The following RASA3 variants were observed in gnomAD, a reference collection of about 807,000 sequenced individuals.
RASA3 encodes ras GTPase-activating protein 3.
Under a neutral mutation model 110.0 loss-of-function variants are expected in RASA3, and 73 were observed. The observed-to-expected ratio is 0.66, with a 90% CI of 0.55 to 0.81. RASA3 has a LOEUF of 0.81. RASA3 is among the 30% of genes least tolerant of loss of function. The pLI is 0.00. For synonymous variants in RASA3, 500 were observed against 451.4 expected, an observed-to-expected ratio of 1.11 and a Z score of -1.37; for missense variants, 976 against 1,113.2, an observed-to-expected ratio of 0.88 and a Z score of 1.75.
rs576850929 is a variant in RASA3, at chr13:114,019,502, C to T, written c.786-583G>A. On this transcript the variant is annotated intron_variant, in intron 9 of 23. Coordinates refer to ENST00000334062, the MANE Select transcript of RASA3 (RefSeq NM_007368.4). ...GGTGGGTGGAGCCTGTGTCCGAGGC[C>T]CCGCCCCCATCAGGTGGGTGGAGCC... 3.1e-5 allele frequency among the ~76,000 whole-genome samples: 4 copies of T among 127,564 alleles called. No individual in the cohort carries two copies. In the South Asian group the frequency reaches 1.1e-3, roughly 34 times the overall value. 83.7% of individuals were successfully genotyped at this position (127,564 alleles called of 152,430 possible).
At chr13:114,068,147 G>GCCA (rs1181197035) in intron 2 of RASA3, among the ~76,000 whole-genome samples, 1 of 152,218 alleles carries the variant, frequency 6.6e-6, no homozygotes, top group East Asian at 1.9e-4. Flanking sequence ...TCCTGTTGTG[G>GCCA]CCACGGCCCC....
intron 3 of RASA3, among the ~76,000 whole-genome samples, chr13:114,049,261 A>G (rs2079104218): frequency 6.6e-6 from 1 of 151,934 alleles, no homozygotes; most frequent in Admixed American, 6.6e-5. Flanking sequence ...ATTCCCCAGA[A>G]CCTGGTGTTT....
chr13:114,039,598 C>T (rs2054354625), intron 4 of RASA3, among the ~76,000 whole-genome samples: 1 of 152,256 alleles, frequency 6.6e-6, no homozygotes, highest in Non-Finnish European at 1.5e-5. Flanking sequence ...TTGCTTGTGG[C>T]CTTTGCAGCT....
chr13:114,039,821 G>A, intron 4 of RASA3, among the ~76,000 whole-genome samples: 1 of 152,234 alleles, frequency 6.6e-6, no homozygotes, highest in East Asian at 1.9e-4. Flanking sequence ...TGCGTGGGGA[G>A]GTGGGACAAG....
rs71449075 is a variant in RASA3 at position 114,073,420 on chromosome 13, T to C, written c.173+300A>G. On this transcript the variant is annotated intron_variant, in intron 2 of 23. Transcript: ENST00000334062. ...GACGGTGACGTACACGCTCGGGACA[T>C]TGTCTACGCACAGAAAAATTCCCTA... Among the ~76,000 whole-genome samples, 448 of 145,000 alleles carry C rather than the reference T, an allele frequency of 3.1e-3. 3 individuals carry two copies. Among genetic ancestry groups the C allele is most frequent in the Middle Eastern group, 0.012 (3 of 260 alleles).
intron 6 of RASA3, 47 bp downstream of exon 6, chr13:114,027,800 T>C (rs771942824): frequency 1.9e-6 from 3 of 1,570,326 alleles, no homozygotes; most frequent in East Asian, 4.5e-5. Flanking sequence ...AGCTGGACCC[T>C]AGCCCCCCAG....
rs2080248866 is a variant in RASA3, at chr13:114,114,047, C to T, written c.55+18388G>A. Among the ~76,000 whole-genome samples, 1 of 151,998 alleles carries T rather than the reference C, an allele frequency of 6.6e-6. No homozygotes were observed. Among genetic ancestry groups the T allele is most frequent in the South Asian group, 2.1e-4 (1 of 4,828 alleles). On this transcript the variant is annotated intron_variant, in intron 1 of 23. Transcript: ENST00000334062. The surrounding 1 kb of genome is among the most constrained non-coding windows in gnomAD (Gnocchi z 4.8). ...ACCATGGCGAGTGATGTCCGTATAG[C>T]TCACACCGCATCCATCAATCCACCC...
At chr13:113,988,887 TCACCCATCTGTCCATC>T (rs1170625723) in intron 22 of RASA3, among the ~76,000 whole-genome samples, 1 of 147,482 alleles carries the variant, frequency 6.8e-6, no homozygotes, top group African/African-American at 2.6e-5. Context: ...TGCCCATCAC[TCACCCATCTGTCCATC>T]CACCCATCAC....
At chr13:113,982,990 C>T (rs936167854) in intron 22 of RASA3, among the ~76,000 whole-genome samples, 1 of 151,828 alleles carries the variant, frequency 6.6e-6, no homozygotes, top group Admixed American at 6.6e-5. Flanking sequence ...ACAATTTTTA[C>T]GGCAGCCCAA....
chr13:114,048,249 A>AGGTTGCAG lies in RASA3; in HGVS notation c.277+3795_277+3802dup. 6.7e-6 allele frequency among the ~76,000 whole-genome samples: 1 copy of AGGTTGCAG among 150,096 alleles called. No homozygotes were observed. The highest frequency in any genetic ancestry group is 2.0e-4 in the East Asian group (1 of 5,066). On this transcript the variant is annotated intron_variant, in intron 3 of 23. Transcript: ENST00000334062. This position sits in a 1 kb window ranked among gnomAD's most constrained non-coding sequence, Gnocchi z 4.3. ...AGAATGGCGTGAACCCGGGAGGTGGAGGTTGCAGTGAGCCGAGATCGCGCC... is the reference window on the plus strand; with the variant it reads ...AGAATGGCGTGAACCCGGGAGGTGGAGGTTGCAGGGTTGCAGTGAGCCGAGATCGCGCC...
At chr13:114,040,970 T>C in intron 4 of RASA3, 30 bp downstream of exon 4, 2 of 1,609,438 alleles carry the variant, frequency 1.2e-6, no homozygotes, top group East Asian at 2.2e-5. Context: ...CCCAGGGCTC[T>C]GGTTTCCGGG....
Position 114,056,595 on chromosome 13 carries a change from G to A in RASA3, c.174-4440C>T. ...CTGCTTGGCAGTGGGGGGCTCGGTG[G>A]GGGGAGGCCCGTGCTGGCTGGGCAC... On this transcript the variant is annotated intron_variant, in intron 2 of 23. Transcript: ENST00000334062. This position sits in a 1 kb window ranked among gnomAD's most constrained non-coding sequence, Gnocchi z 5.7. 2 of 985,228 alleles carry A rather than the reference G, an allele frequency of 2.0e-6. No individual in the cohort carries two copies. The highest frequency in any genetic ancestry group is 2.4e-6 in the Non-Finnish European group (2 of 829,902). The allele number at this position is 985,228 out of a possible 1,614,324, so 61.0% of individuals were successfully genotyped here.
At chr13:114,041,152 T>G in intron 3 of RASA3, 58 bp from the exon 4 acceptor site, 1 of 1,453,658 alleles carries the variant, frequency 6.9e-7, no homozygotes, top group Non-Finnish European at 9.7e-7. Context: ...CCAGGACGCC[T>G]GTGAGCAGAA....
At chr13:113,991,674 G>A (rs902601959) in intron 22 of RASA3, among the ~76,000 whole-genome samples, 6 of 152,194 alleles carry the variant, frequency 3.9e-5, no homozygotes, top group Admixed American at 6.5e-5. Context: ...ACTGCATATA[G>A]ATTTGAAACA....
At chr13:114,077,834 TGA>T (rs1321284330) in intron 1 of RASA3, 16 of 984,448 alleles carry the variant, frequency 1.6e-5, no homozygotes, top group Non-Finnish European at 1.9e-5. Context: ...CATCTGGGGC[TGA>T]GACTCTTTCT....
intron 1 of RASA3, among the ~76,000 whole-genome samples, chr13:114,116,996 ATGTGTGAGGGGTGCACG>A (rs2080289045): frequency 2.9e-5 from 1 of 34,562 alleles, no homozygotes; most frequent in Admixed American, 3.5e-4. Context: ...AGGGATGCAC[ATGTGTGAGGGGTGCACG>A]TGTGTGAGGG....
intron 1 of RASA3, among the ~76,000 whole-genome samples, chr13:114,079,316 C>T (rs377567065): frequency 8.5e-5 from 13 of 152,306 alleles, no homozygotes; most frequent in African/African-American, 2.9e-4. Context: ...GCGACAGCCC[C>T]GGTGCATGGT....
At position 114,003,869 on chromosome 13, in the gene RASA3, C is replaced by T. The variant is rs554918707; in HGVS notation, c.1743-2937G>A. On this transcript the variant is annotated intron_variant, in intron 18 of 23. Transcript: ENST00000334062. ...AGGACACGACAACAGGAACCTCGTG[C>T]GTAAGGAATAAATATTCTGGCGTCT... Among the ~76,000 whole-genome samples, 6 of 152,338 alleles carry T rather than the reference C, an allele frequency of 3.9e-5. No homozygotes were observed. The South Asian group carries it at 8.3e-4, about 21-fold the overall frequency.
chr13:114,132,023 A>G (rs938453374), intron 1 of RASA3, among the ~76,000 whole-genome samples: 1 of 151,996 alleles, frequency 6.6e-6, no homozygotes, highest in African/African-American at 2.4e-5. Flanking sequence ...AGATGCCGAG[A>G]CCCCGACGTC....
Sources: gnomAD v4.1 joint callset for allele counts (sites outside exome capture counted in the v4.1 genomes callset) on GRCh38, gnomAD v4.1.1 for gene constraint, Gnocchi (gnomAD v3.1) non-coding constraint, MANE v1.5 for transcripts, NCBI Gene and HGNC (gene_info 2026-07-23, HGNC 2026-07-21) for gene names.